Variants in RBFOX1 observed in about 807,000 individuals in gnomAD.
RBFOX1 encodes RNA binding fox-1 homolog 1.
A neutral mutation model predicts 57.7 loss-of-function variants in RBFOX1; 8 were observed. The ratio of observed to expected loss-of-function variants is 0.14; its 90% CI spans 0.08 to 0.25. The LOEUF is 0.25. Among genes scored for constraint, RBFOX1 ranks in the 10% least tolerant of loss-of-function variants. The probability of loss-of-function intolerance (pLI) is 1.00; values close to 1 mark genes in which losing one functional copy is unlikely to be tolerated. For synonymous variants in RBFOX1, 326 were observed against 222.4 expected (o/e 1.47, Z -4.15); for missense variants, 611 against 548.5 (o/e 1.11, Z -1.14).
chr16:6,972,649 C>G lies in RBFOX1; in HGVS notation c.-15-79408C>G, dbSNP rs543217100. 5.8e-4 allele frequency among the ~76,000 whole-genome samples: 88 copies of G among 152,022 alleles called. 2 individuals are homozygous for G. Among genetic ancestry groups the G allele is most frequent in the Admixed American group, 5.6e-3 (85 of 15,260 alleles). The stretch of plus-strand genomic sequence containing the variant: ...GAGAACAAGCAGAAAATTTCAAGAG[C>G]AAATGCTTTGGGGACAGACAACCTG... On this transcript the variant is annotated intron_variant, in intron 3 of 15. Coordinates refer to ENST00000550418, the MANE Select transcript of RBFOX1 (RefSeq NM_018723.4).
At chr16:6,875,754 CA>C (rs2061718253) in intron 3 of RBFOX1, among the ~76,000 whole-genome samples, 1 of 152,158 alleles carries the variant, frequency 6.6e-6, no homozygotes, top group Non-Finnish European at 1.5e-5. Flanking sequence ...CCTGTAACAG[CA>C]GCACTTTGGG....
At chr16:6,631,978 A>C (rs746452046) in intron 2 of RBFOX1, among the ~76,000 whole-genome samples, 1 of 152,176 alleles carries the variant, frequency 6.6e-6, no homozygotes, top group Non-Finnish European at 1.5e-5. Context: ...TTTATTCTCA[A>C]TGGAAGGAGA....
At position 6,988,739 on chromosome 16, in the gene RBFOX1, T is replaced by TG. The variant is rs916942606; in HGVS notation, c.-15-63318_-15-63317insG. 1.1e-4 allele frequency among the ~76,000 whole-genome samples: 8 copies of TG among 71,668 alleles called. No individual in the cohort carries two copies. The East Asian group carries it at 1.5e-3, about 13-fold the overall frequency. 47.0% of individuals were successfully genotyped at this position (71,668 alleles called of 152,430 possible). On this transcript the variant is annotated intron_variant, in intron 3 of 15. Transcript: ENST00000550418. Reference sequence around the variant, plus strand: ...GACATCACACCCAGCTAATTTTTTTTTTTGTTTGTTTGTTTTTTGTTTTTT... The same window carrying TG: ...GACATCACACCCAGCTAATTTTTTTTGTTTGTTTGTTTGTTTTTTGTTTTTT...
chr16:6,807,741 A>G (rs764091484), intron 3 of RBFOX1, among the ~76,000 whole-genome samples: 11 of 152,028 alleles, frequency 7.2e-5, no homozygotes, highest in Non-Finnish European at 1.5e-4. Flanking sequence ...ACTTGAATCC[A>G]GGAGATGGAG....
At chr16:6,845,716 A>G (rs573762533) in intron 3 of RBFOX1, among the ~76,000 whole-genome samples, 132 of 152,314 alleles carry the variant, frequency 8.7e-4, no homozygotes, top group African/African-American at 3.1e-3. Context: ...CTTCTCTGAC[A>G]CAGACCCATG....
At chr16:5,985,596 C>T (rs1274949021) in intron 4 of RBFOX1, among the ~76,000 whole-genome samples, 2 of 152,196 alleles carry the variant, frequency 1.3e-5, no homozygotes, top group African/African-American at 2.4e-5. Context: ...GAAGCCAGGA[C>T]TGCCCCAGCA....
rs560989699 is a variant in RBFOX1, at chr16:5,695,396, T to A, written c.318+96435T>A. 3.3e-5 allele frequency among the ~76,000 whole-genome samples: 5 copies of A among 152,272 alleles called. No homozygotes were observed. The East Asian group carries it at 9.7e-4, about 29-fold the overall frequency. On this transcript the variant is annotated intron_variant, in intron 3 of 19. Coordinates refer to the RBFOX1 transcript ENST00000641259. ...AAGAGCAAGCAGGATGGTAAATCGCTTAGAAATCACTGAGAATCTCTAAAA... is the reference window on the plus strand; with the variant it reads ...AAGAGCAAGCAGGATGGTAAATCGCATAGAAATCACTGAGAATCTCTAAAA...
intron 2 of RBFOX1, among the ~76,000 whole-genome samples, chr16:6,423,529 G>C (rs374073872): frequency 8.5e-5 from 13 of 152,292 alleles, no homozygotes; most frequent in African/African-American, 2.9e-4. Flanking sequence ...AACCTGGGAG[G>C]TGAAAATTGC....
At chr16:6,611,859 C>T (rs1056890436) in intron 2 of RBFOX1, among the ~76,000 whole-genome samples, 3 of 152,108 alleles carry the variant, frequency 2.0e-5, no homozygotes, top group Non-Finnish European at 4.4e-5. Flanking sequence ...GCAGTGTCCA[C>T]CATGGCACGT....
intron 3 of RBFOX1, among the ~76,000 whole-genome samples, chr16:6,839,732 C>A (rs2093353096): frequency 6.6e-6 from 1 of 152,138 alleles, no homozygotes; most frequent in Non-Finnish European, 1.5e-5. Flanking sequence ...TTGTAATATG[C>A]AAACTATAGA....
intron 3 of RBFOX1, among the ~76,000 whole-genome samples, chr16:6,960,470 A>G (rs1386192625): frequency 2.6e-5 from 4 of 152,072 alleles, no homozygotes; most frequent in Admixed American, 1.3e-4. Flanking sequence ...GTTCTCGTGT[A>G]TGTTGTTATT....
intron 4 of RBFOX1, among the ~76,000 whole-genome samples, chr16:7,321,125 ATATACT>A (rs767284610): frequency 0.013 from 1,624 of 128,198 alleles, 21 homozygotes; most frequent in East Asian, 0.046. Context: ...ATACATATAC[ATATACT>A]TATACTTATA....
chr16:6,099,306 A>G (rs2096278625), intron 1 of RBFOX1, among the ~76,000 whole-genome samples: 1 of 152,214 alleles, frequency 6.6e-6, no homozygotes, highest in South Asian at 2.1e-4. Flanking sequence ...AGATGATTTC[A>G]TGATGACGTC....
chr16:6,253,529 T>G (rs747194868), intron 1 of RBFOX1, among the ~76,000 whole-genome samples: 3 of 152,004 alleles, frequency 2.0e-5, no homozygotes, highest in Non-Finnish European at 4.4e-5. Flanking sequence ...AGTCCTACAT[T>G]TTGCACTTTT....
At chr16:6,576,428 AG>A in intron 2 of RBFOX1, among the ~76,000 whole-genome samples, 1 of 152,328 alleles carries the variant, frequency 6.6e-6, no homozygotes, top group East Asian at 1.9e-4. Context: ...GTTGGGAATC[AG>A]ATTTTTTTCT....
At chr16:5,498,669 A>G (rs952900704) in intron 2 of RBFOX1, among the ~76,000 whole-genome samples, 2 of 152,202 alleles carry the variant, frequency 1.3e-5, no homozygotes, top group Non-Finnish European at 2.9e-5. Flanking sequence ...GATGGGGATA[A>G]GCATTTGAGA....
chr16:7,556,984 C>G (rs78676078), intron 5 of RBFOX1, among the ~76,000 whole-genome samples: 1 of 152,314 alleles, frequency 6.6e-6, no homozygotes, highest in East Asian at 1.9e-4. Flanking sequence ...ACATCCTCCT[C>G]CTCATCATAT....
intron 1 of RBFOX1, among the ~76,000 whole-genome samples, chr16:5,283,022 C>T (rs1018429299): frequency 6.6e-6 from 1 of 152,072 alleles, no homozygotes; most frequent in South Asian, 2.1e-4. Flanking sequence ...TGTGAGCAGC[C>T]TAGGGTGCCT....
chr16:6,808,749 C>T (rs531532066), intron 3 of RBFOX1, among the ~76,000 whole-genome samples: 1 of 152,248 alleles, frequency 6.6e-6, no homozygotes, highest in African/African-American at 2.4e-5. Flanking sequence ...CAGACAAATA[C>T]CTGGTTATCT....
Sources: allele counts gnomAD v4.1 joint callset (sites outside exome capture counted in the v4.1 genomes callset), GRCh38; gene constraint gnomAD v4.1.1; transcripts MANE v1.5; gene names NCBI Gene and HGNC (gene_info 2026-07-23, HGNC 2026-07-21).